The following WDR19 variants were observed in gnomAD, a reference collection of about 807,000 sequenced individuals.
The protein encoded by WDR19 is WD repeat domain 19.
In WDR19, 121 loss-of-function variants were observed where a neutral mutation model predicts 180.0. The ratio of observed to expected loss-of-function variants is 0.67; its 90% CI spans 0.58 to 0.78. The LOEUF (loss-of-function observed/expected upper bound fraction) is 0.78, where lower values mean the gene tolerates loss of function less well. WDR19 is among the 30% of genes least tolerant of loss of function. WDR19 has a pLI of 0.00. For synonymous variants in WDR19, 497 were observed against 540.7 expected, an observed-to-expected ratio of 0.92 and a Z score of 1.12; for missense variants, 1,450 against 1,640.7, an observed-to-expected ratio of 0.88 and a Z score of 2.01.
chr4:39,193,685 C>G (rs1000241823), intron 4 of WDR19, among the ~76,000 whole-genome samples: 2 of 152,192 alleles, frequency 1.3e-5, no homozygotes, highest in Admixed American at 1.3e-4. Context: ...TATCACTGCC[C>G]TCAACATTCT....
At position 39,255,949 on chromosome 4, in the gene WDR19, C is replaced by T. The variant is rs1396808288; in HGVS notation, c.3103C>T (p.Gln1035Ter). 1 of 1,558,336 alleles carries T rather than the reference C, an allele frequency of 6.4e-7. No homozygotes were observed. The highest frequency in any genetic ancestry group is 1.6e-5 in the African/African-American group (1 of 64,144). Reference sequence around the variant, plus strand: ...TGGAAAATTCTTCTTGCTGTGTGGCCAATATTCACGAGTTAGTATTTGCCA... The same window carrying T: ...TGGAAAATTCTTCTTGCTGTGTGGCTAATATTCACGAGTTAGTATTTGCCA... ...QAGKFFLLCG[Q>*]YSRALKHFLK... The change falls in exon 27 of 37, where the codon CAA (glutamine) becomes TAA (stop). Residue 1035 changes from glutamine (Q) to a stop codon, truncating the protein, a stop_gained. Transcript: ENST00000399820. LOFTEE classifies it high-confidence loss of function.
chr4:39,248,320 C>G (rs1169784871), intron 24 of WDR19, among the ~76,000 whole-genome samples: 1 of 152,132 alleles, frequency 6.6e-6, no homozygotes, highest in African/African-American at 2.4e-5. Flanking sequence ...GTTGTCACCA[C>G]CAGGCCTTCC....
chr4:39,186,560 CT>C lies in WDR19; in HGVS notation c.123del (p.Phe41LeufsTer29), dbSNP rs769894568. On this transcript the variant is annotated frameshift_variant, in exon 3 of 37. Coordinates refer to ENST00000399820, the MANE Select transcript of WDR19 (RefSeq NM_025132.4). LOFTEE classifies it high-confidence loss of function. ...TCAGAGCTGATTATATTGTGAAAAT[CT>C]TTGATCGCCATGGTCAAAAAAGAAG... ...VTGADYIVKI[F>X]DRHGQKRSEI... 1 of 1,521,954 alleles carries C rather than the reference CT, an allele frequency of 6.6e-7. No homozygotes were observed. Among genetic ancestry groups the C allele is most frequent in the Non-Finnish European group, 8.8e-7 (1 of 1,131,008 alleles). The allele number at this position is 1,521,954 out of a possible 1,614,324, so 94.3% of individuals were successfully genotyped here. A position where few individuals can be genotyped will look rare whatever the true frequency, so the allele number is the denominator to read the frequency against.
chr4:39,224,939 G>A lies in WDR19; in HGVS notation c.1535G>A (p.Arg512Gln), dbSNP rs537283735. The A allele has an allele frequency of 2.3e-5, 37 of 1,578,920 alleles. No homozygotes were observed. In the East Asian group the frequency reaches 3.2e-4, roughly 14 times the overall value. ...GACTGGCAATTCGTTAATGATTATC[G>A]ACATCCTGTCAGTGTGAAAAAGATT... ...IEDWQFVNDY[R>Q]HPVSVKKIFP... The change falls in exon 15 of 37, where the codon CGA becomes CAA. Residue 512 changes from arginine to glutamine, a missense_variant. Physicochemically the swap from Arg to Gln is conservative, Grantham distance 43. Coordinates refer to ENST00000399820, the MANE Select transcript of WDR19 (RefSeq NM_025132.4).
intron 4 of WDR19, among the ~76,000 whole-genome samples, chr4:39,193,554 C>T (rs1221623592): frequency 6.6e-6 from 1 of 152,180 alleles, no homozygotes; most frequent in African/African-American, 2.4e-5. Context: ...TTCCAAGTAA[C>T]ATCATGATTT....
chr4:39,214,802 T>G, intron 10 of WDR19, 131 bp downstream of exon 10: 1 of 569,462 alleles, frequency 1.8e-6, no homozygotes, highest in South Asian at 2.6e-5. Flanking sequence ...AGATGGATTC[T>G]TGTTTTGTAG....
chr4:39,215,348 G>A (rs893522148), intron 10 of WDR19, among the ~76,000 whole-genome samples: 3 of 150,296 alleles, frequency 2.0e-5, no homozygotes, highest in African/African-American at 7.4e-5. Flanking sequence ...ACAGCGTCTT[G>A]TTTTGTTGCT....
chr4:39,228,642 GGCC>G lies in WDR19; in HGVS notation c.1935_1937del (p.Pro646del), dbSNP rs1339765561. On this transcript the variant is annotated inframe_deletion, in exon 17 of 37. Transcript: ENST00000399820. ...TTTCTCAGCAACTTAAAAGATACGG[GGCC>G]TGACGAACTGAGACCAATGCTGGCA... 1 of 1,611,188 alleles carries G rather than the reference GGCC, an allele frequency of 6.2e-7. No homozygotes were observed. Among genetic ancestry groups the G allele is most frequent in the Non-Finnish European group, 8.5e-7 (1 of 1,178,680 alleles).
intron 13 of WDR19, 28 bp downstream of exon 13, chr4:39,217,268 C>T (rs375059837): frequency 7.6e-5 from 113 of 1,493,014 alleles, no homozygotes; most frequent in African/African-American, 7.0e-4. Context: ...GTCCTGGAGA[C>T]GCGCTAAGTT....
At chr4:39,221,883 A>G (rs1729743082) in intron 14 of WDR19, among the ~76,000 whole-genome samples, 1 of 152,220 alleles carries the variant, frequency 6.6e-6, no homozygotes, top group South Asian at 2.1e-4. Flanking sequence ...AGTAGTCTAT[A>G]GTATGTATAT....
At chr4:39,251,111 C>T (rs372863842) in intron 24 of WDR19, among the ~76,000 whole-genome samples, 1 of 152,144 alleles carries the variant, frequency 6.6e-6, no homozygotes, top group Non-Finnish European at 1.5e-5. Flanking sequence ...TCAAACTATA[C>T]TACAAGGCTA....
chr4:39,234,621 T>C (rs897185294), intron 19 of WDR19, 145 bp from the exon 20 acceptor site: 7 of 651,824 alleles, frequency 1.1e-5, no homozygotes, highest in African/African-American at 9.1e-5. Context: ...ATACATACTA[T>C]AGTAATATAT....
At chr4:39,248,695 G>A (rs1339201422) in intron 24 of WDR19, among the ~76,000 whole-genome samples, 3 of 152,094 alleles carry the variant, frequency 2.0e-5, no homozygotes, top group Non-Finnish European at 4.4e-5. Context: ...AAAGGCAGGG[G>A]TTGCAATCCT....
chr4:39,205,767 C>A lies in WDR19; in HGVS notation c.890+31C>A, dbSNP rs775637795. 29 of 1,538,542 alleles carry A rather than the reference C, an allele frequency of 1.9e-5. No individual in the cohort carries two copies. The Admixed American group carries it at 5.4e-4, about 29-fold the overall frequency. On this transcript the variant is annotated intron_variant, in intron 9 of 36. Coordinates refer to ENST00000399820, the MANE Select transcript of WDR19 (RefSeq NM_025132.4). Reference sequence around the variant, plus strand: ...TTATTTTCACATATTTTTAGGAAAGCTTATATAGTAAATACTTAAGTGAAT... The same window carrying A: ...TTATTTTCACATATTTTTAGGAAAGATTATATAGTAAATACTTAAGTGAAT...
chr4:39,263,923 T>TAA (rs11461352), intron 28 of WDR19, among the ~76,000 whole-genome samples: 10,540 of 140,390 alleles, frequency 0.075, 534 homozygotes, highest in East Asian at 0.2. Flanking sequence ...AAACTCCATC[T>TAA]AAAAAAAAAA....
intron 29 of WDR19, among the ~76,000 whole-genome samples, chr4:39,267,703 G>A (rs1485296904): frequency 6.6e-6 from 1 of 152,162 alleles, no homozygotes. Flanking sequence ...GCCCCCTCCT[G>A]TTGTTTCAGC....
intron 3 of WDR19, among the ~76,000 whole-genome samples, chr4:39,187,346 GA>G (rs1195880273): frequency 6.6e-6 from 1 of 150,502 alleles, no homozygotes; most frequent in Non-Finnish European, 1.5e-5. Flanking sequence ...CTTGAACCCG[GA>G]AGGTGGAGGT....
intron 31 of WDR19, among the ~76,000 whole-genome samples, chr4:39,271,405 A>G (rs1383529090): frequency 6.6e-6 from 1 of 152,214 alleles, no homozygotes; most frequent in Admixed American, 6.5e-5. Context: ...ACTTGTATGT[A>G]TAATTTACAT....
intron 36 of WDR19, among the ~76,000 whole-genome samples, chr4:39,280,771 T>C (rs1736416330): frequency 6.6e-6 from 1 of 152,154 alleles, no homozygotes; most frequent in Admixed American, 6.5e-5. Flanking sequence ...CTGGGCAACA[T>C]AGCGAGATCC....
Sources: allele counts gnomAD v4.1 joint callset (sites outside exome capture counted in the v4.1 genomes callset), GRCh38; gene constraint gnomAD v4.1.1; transcripts MANE v1.5; gene names NCBI Gene and HGNC (gene_info 2026-07-23, HGNC 2026-07-21).